Variants in WDR81 observed in about 807,000 individuals in gnomAD.
WDR81 encodes the protein WD repeat domain 81.
WDR81 carries 92 observed loss-of-function variants against 140.8 expected under a neutral mutation model. The ratio of observed to expected loss-of-function variants is 0.65; its 90% CI spans 0.55 to 0.78. The LOEUF (loss-of-function observed/expected upper bound fraction) is 0.78. WDR81 is among the 30% of genes least tolerant of loss of function. The pLI is 0.00. For synonymous variants in WDR81, 1,183 were observed against 1,156.4 expected, an observed-to-expected ratio of 1.02 and a Z score of -0.47; for missense variants, 2,502 against 2,636.4, an observed-to-expected ratio of 0.95 and a Z score of 1.12.
intron 3 of WDR81, 28 bp from the exon 4 acceptor site, chr17:1,731,040 C>G (rs764020272): frequency 6.2e-7 from 1 of 1,608,050 alleles, no homozygotes. Flanking sequence ...GTGGGGCTGC[C>G]CGGCCCTCAT....
rs1177958601 is a variant in WDR81 at position 1,726,454 on chromosome 17, C to T, written c.1495C>T (p.Pro499Ser). 3.2e-6 allele frequency: 5 copies of T among 1,550,392 alleles called. No individual in the cohort carries two copies. The highest frequency in any genetic ancestry group is 4.4e-6 in the Non-Finnish European group (5 of 1,147,022). Residue 499 changes from proline to serine, a missense_variant, in exon 1 of 10, where the codon CCC (proline) becomes TCC (serine). This residue lies in a region of WDR81 where 218 missense variants were observed against 279.6 expected (regional missense o/e 0.78). Coordinates refer to ENST00000409644, the MANE Select transcript of WDR81 (RefSeq NM_001163809.2). Reference protein sequence around the residue: ...DECIPEFYTDPSIFRSIHPDM... With the variant: ...DECIPEFYTDSSIFRSIHPDM... ...GTGCATTCCGGAGTTCTACACCGAT[C>T]CCTCTATCTTCCGCTCCATCCACCC...
intron 1 of WDR81, among the ~76,000 whole-genome samples, chr17:1,728,865 A>C (rs1365341583): frequency 6.6e-6 from 1 of 152,096 alleles, no homozygotes; most frequent in African/African-American, 2.4e-5. Flanking sequence ...AGGCAGGAGA[A>C]TGGCGTGAAC....
chr17:1,716,651 A>C, intron 1 of WDR81: 1 of 1,551,592 alleles, frequency 6.4e-7, no homozygotes, highest in Non-Finnish European at 8.7e-7. Context: ...GGCATTTTTA[A>C]ACTGAGCTCG....
chr17:1,718,276 C>G (rs888371369), intron 1 of WDR81, among the ~76,000 whole-genome samples: 2 of 152,174 alleles, frequency 1.3e-5, no homozygotes, highest in African/African-American at 4.8e-5. Context: ...CGCTACCACT[C>G]CCAGCTAATT....
At chr17:1,737,317 A>T in intron 9 of WDR81, 48 bp from the exon 10 acceptor site, 1 of 1,536,780 alleles carries the variant, frequency 6.5e-7, no homozygotes, top group Non-Finnish European at 8.8e-7. Flanking sequence ...GCCCAAGGGT[A>T]TGCAGAAGGA....
Position 1,732,433 on chromosome 17 carries a change from C to T in WDR81, c.4266C>T (p.Ser1422=), listed in dbSNP as rs533141873. ...IGQEMVQQHL[S]EPVATFFQVF... ...AGGAGATGGTCCAGCAGCACCTGAG[C>T]GAGCCCGTGGCCACCTTTTTCCAGG... is the stretch of plus-strand genomic sequence containing the variant. Residue 1422 remains serine (S), a synonymous_variant, in exon 5 of 10, where the codon AGC becomes AGT. Coordinates refer to ENST00000409644, the MANE Select transcript of WDR81 (RefSeq NM_001163809.2). The T allele has an allele frequency of 9.3e-6, 15 of 1,613,382 alleles. No individual in the cohort carries two copies. Among genetic ancestry groups the T allele is most frequent in the African/African-American group, 1.3e-5 (1 of 74,896 alleles).
rs1455815468 is a variant in WDR81 at position 1,730,745 on chromosome 17, T to C, written c.3776-10T>C. 2 of 1,601,542 alleles carry C rather than the reference T, an allele frequency of 1.2e-6. No individual in the cohort carries two copies. The highest frequency in any genetic ancestry group is 1.7e-6 in the Non-Finnish European group (2 of 1,173,580). On this transcript the variant is annotated splice_polypyrimidine_tract_variant and intron_variant, in intron 2 of 9. Transcript: ENST00000409644. ...CTGGCGACTCAGGGCTGCTGGCCCT[T>C]CCGTGGCAGGACCCACTCGGCAGCA... is the stretch of plus-strand genomic sequence containing the variant.
chr17:1,716,544 G>A (rs1315649178), exon 1 of WDR81: 2 of 1,550,792 alleles, frequency 1.3e-6, no homozygotes, highest in Non-Finnish European at 1.7e-6. Flanking sequence ...CTAAAGAGCA[G>A]GCGAAAGCCA....
upstream of WDR81, among the ~76,000 whole-genome samples, chr17:1,720,928 A>C (rs186841301): frequency 1.2e-3 from 178 of 152,186 alleles, 1 homozygote; most frequent in Middle Eastern, 3.4e-3. Flanking sequence ...CAAGAGGTAA[A>C]ATTAGGTACA....
chr17:1,720,035 CCT>C (rs768598440), upstream of WDR81, among the ~76,000 whole-genome samples: 3 of 151,498 alleles, frequency 2.0e-5, no homozygotes, highest in Non-Finnish European at 4.4e-5. Flanking sequence ...TTAGAAAACA[CCT>C]AGCGTAGATT....
chr17:1,729,175 G>A (rs1915514416), intron 1 of WDR81, among the ~76,000 whole-genome samples: 1 of 152,126 alleles, frequency 6.6e-6, no homozygotes, highest in African/African-American at 2.4e-5. Context: ...ATTCCTAGGA[G>A]GGAGTGCAAC....
In WDR81 at chr17:1,728,638, G is replaced by A. The variant is rs1226525020; in HGVS notation, c.3667+12G>A. ...GAAGATCCTCCTTGGTAAGTTCCCA[G>A]GTCTGGGAGGTGTTGGTCAAAAACA... On this transcript the variant is annotated intron_variant, in intron 1 of 9. Transcript: ENST00000409644. The A allele has an allele frequency of 6.9e-7, 1 of 1,453,180 alleles. No homozygotes were observed. The allele number at this position is 1,453,180 out of a possible 1,614,324, so 90.0% of individuals were successfully genotyped here. A position where few individuals can be genotyped will look rare whatever the true frequency, so the allele number is the denominator to read the frequency against.
At position 1,732,361 on chromosome 17, in the gene WDR81, T is replaced by C; in HGVS notation, c.4194T>C (p.Cys1398=). 1 of 1,613,470 alleles carries C rather than the reference T, an allele frequency of 6.2e-7. No individual in the cohort carries two copies. Among genetic ancestry groups the C allele is most frequent in the Non-Finnish European group, 8.5e-7 (1 of 1,180,016 alleles). The change falls in exon 5 of 10, where the codon TGT becomes TGC. Residue 1398 remains cysteine, a synonymous_variant. Transcript: ENST00000409644. The part of the protein sequence containing the change: ...PSGAQARTIL[C]VKTISLIALI... ...GGGCCCAGGCTCGGACCATCCTGTGTGTGAAAACCATCAGCCTCATCGCCC... is the reference window on the plus strand; with the variant it reads ...GGGCCCAGGCTCGGACCATCCTGTGCGTGAAAACCATCAGCCTCATCGCCC...
intron 1 of WDR81, among the ~76,000 whole-genome samples, chr17:1,730,005 A>AG (rs1491205534): frequency 1.3e-5 from 2 of 149,208 alleles, no homozygotes; most frequent in South Asian, 2.1e-4. Context: ...AAAAAAAAAA[A>AG]GAAGAAGAAG....
At chr17:1,729,256 G>C (rs1450422779) in intron 1 of WDR81, among the ~76,000 whole-genome samples, 1 of 152,170 alleles carries the variant, frequency 6.6e-6, no homozygotes, top group African/African-American at 2.4e-5. Flanking sequence ...GAGGCAGGAG[G>C]ATCACTTGAG....
Position 1,725,594 on chromosome 17 carries a change from G to T in WDR81, c.635G>T (p.Ser212Ile), listed in dbSNP as rs574850689. The T allele has an allele frequency of 1.3e-6, 2 of 1,545,158 alleles. No homozygotes were observed. Among genetic ancestry groups the T allele is most frequent in the South Asian group, 1.2e-5 (1 of 84,064 alleles). The change falls in exon 1 of 10, where the codon AGC becomes ATC. Residue 212 changes from serine to isoleucine, a missense_variant. This residue lies in a region of WDR81 where 547 missense variants were observed against 513.8 expected (regional missense o/e 1.06). Transcript: ENST00000409644. ...AREGPCPPRG[S>I]PACPSLLRAE... ...GAAGGCCCCTGCCCCCCTCGGGGCA[G>T]CCCTGCTTGCCCTAGTCTTTTACGG...
At position 1,735,983 on chromosome 17, in the gene WDR81, T is replaced by C; in HGVS notation, c.5326-56T>C. 1 of 1,548,706 alleles carries C rather than the reference T, an allele frequency of 6.5e-7. No individual in the cohort carries two copies. Among genetic ancestry groups the C allele is most frequent in the Non-Finnish European group, 8.7e-7 (1 of 1,152,154 alleles). ...GTGGGCTTGGGTGGTGGGCAGGGCC[T>C]TGGGGAGTGTGAGATGGGAAGGTGG... On this transcript the variant is annotated intron_variant, in intron 8 of 9. Coordinates refer to ENST00000409644, the MANE Select transcript of WDR81 (RefSeq NM_001163809.2). The surrounding 1 kb of genome is among the most constrained non-coding windows in gnomAD (Gnocchi z 4.2).
Position 1,726,030 on chromosome 17 carries a change from C to T in WDR81, c.1071C>T (p.Ile357=), listed in dbSNP as rs1915224397. 5 of 1,544,446 alleles carry T rather than the reference C, an allele frequency of 3.2e-6. No individual in the cohort carries two copies. Among genetic ancestry groups the T allele is most frequent in the Non-Finnish European group, 4.4e-6 (5 of 1,142,894 alleles). ...SLVLDWVHGR[I]SNFHYLMQLN... is the part of the protein sequence containing the mutation. The stretch of plus-strand genomic sequence containing the variant: ...TGCTAGATTGGGTCCACGGCCGCAT[C>T]AGCAACTTCCACTACCTCATGCAGC... Residue 357 remains isoleucine, a synonymous_variant, in exon 1 of 10, where the codon ATC becomes ATT. Coordinates refer to ENST00000409644, the MANE Select transcript of WDR81 (RefSeq NM_001163809.2).
chr17:1,729,519 C>A (rs563187081), intron 1 of WDR81, among the ~76,000 whole-genome samples: 1 of 151,928 alleles, frequency 6.6e-6, no homozygotes, highest in African/African-American at 2.4e-5. Flanking sequence ...ATCTAGTTTT[C>A]AAGGGTCAGA....
Sources: gnomAD v4.1 joint callset for allele counts (sites outside exome capture counted in the v4.1 genomes callset) on GRCh38, gnomAD v4.1.1 for gene constraint, gnomAD v4.1.1 regional missense constraint, Gnocchi (gnomAD v3.1) non-coding constraint, MANE v1.5 for transcripts, NCBI Gene and HGNC (gene_info 2026-07-23, HGNC 2026-07-21) for gene names.